RASSF5: variants seen among roughly 807,000 people sequenced by gnomAD.
RASSF5 encodes Ras association domain family member 5.
In RASSF5, 25 loss-of-function variants were observed where a neutral mutation model predicts 40.5. The observed-to-expected ratio is 0.62, with a 90% CI of 0.45 to 0.86. RASSF5 has a LOEUF of 0.86. RASSF5 is among the 40% of genes least tolerant of loss of function. The probability of loss-of-function intolerance (pLI) is 0.00; values close to 1 mark genes in which losing one functional copy is unlikely to be tolerated. For missense variants in RASSF5, 521 were observed against 572.8 expected (o/e 0.91, Z 0.92); for synonymous variants, 246 against 252.4 (o/e 0.97, Z 0.24).
At chr1:206,545,871 T>C (rs540429842) in intron 2 of RASSF5, among the ~76,000 whole-genome samples, 1 of 150,964 alleles carries the variant, frequency 6.6e-6, no homozygotes, top group African/African-American at 2.4e-5. Context: ...TTGGATCTTG[T>C]TTTTTTTTAA....
chr1:206,561,430 A>C (rs1332770033), intron 2 of RASSF5, among the ~76,000 whole-genome samples: 2 of 152,128 alleles, frequency 1.3e-5, no homozygotes, highest in Admixed American at 1.3e-4. Flanking sequence ...TCCATTCCTT[A>C]AGGCATGCTA....
At chr1:206,569,440 C>A (rs1668380253) in intron 2 of RASSF5, among the ~76,000 whole-genome samples, 1 of 152,166 alleles carries the variant, frequency 6.6e-6, no homozygotes, top group Admixed American at 6.5e-5. Context: ...GCAAATGTTT[C>A]TTTCAGATCT....
intron 2 of RASSF5, among the ~76,000 whole-genome samples, chr1:206,553,592 C>T (rs1667905435): frequency 6.6e-6 from 1 of 152,308 alleles, no homozygotes; most frequent in South Asian, 2.1e-4. Context: ...TGAGCTGTTA[C>T]AGGTACCCAC....
chr1:206,580,334 C>T (rs1471804063), intron 2 of RASSF5, among the ~76,000 whole-genome samples: 2 of 152,174 alleles, frequency 1.3e-5, no homozygotes, highest in Non-Finnish European at 2.9e-5. Context: ...CTTTCCGAAG[C>T]TTCTAGAATT....
Position 206,518,390 on chromosome 1 carries a change from G to T in RASSF5, c.457+10331G>T. 4 of 397,568 alleles carry T rather than the reference G, an allele frequency of 1.0e-5. No individual in the cohort carries two copies. The South Asian group carries it at 5.1e-4, about 51-fold the overall frequency. 24.6% of individuals were successfully genotyped at this position (397,568 alleles called of 1,614,324 possible). A position where few individuals can be genotyped will look rare whatever the true frequency, so the allele number is the denominator to read the frequency against. On this transcript the variant is annotated intron_variant, in intron 1 of 5. Coordinates refer to ENST00000579436, the MANE Select transcript of RASSF5 (RefSeq NM_182663.4). ...AGCTATTGATCTCTGGCGCTGAGAT[G>T]ACCGAGGGCCAGGAGGAGAAGGCAA...
chr1:206,522,097 AT>A (rs1463345335), intron 1 of RASSF5, among the ~76,000 whole-genome samples: 2 of 152,046 alleles, frequency 1.3e-5, no homozygotes, highest in African/African-American at 4.8e-5. Context: ...TCAAACCAGT[AT>A]ATATCTTTAC....
intron 2 of RASSF5, among the ~76,000 whole-genome samples, chr1:206,550,097 C>T (rs1667795593): frequency 6.6e-6 from 1 of 152,134 alleles, no homozygotes; most frequent in African/African-American, 2.4e-5. Flanking sequence ...ACCTTAGTAC[C>T]CGCTCTGCAC....
At chr1:206,544,534 A>AT (rs1667625685) in intron 2 of RASSF5, 2 of 152,108 alleles carry the variant, frequency 1.3e-5, no homozygotes, top group South Asian at 2.1e-4. Context: ...TTGGGTGGAC[A>AT]TTTTTTGCTA....
chr1:206,572,814 G>A (rs1558518026), intron 2 of RASSF5: 3 of 151,996 alleles, frequency 2.0e-5, no homozygotes, highest in African/African-American at 7.3e-5. Context: ...TTTTCAGTGG[G>A]TTTTTTTTAA....
chr1:206,550,055 T>G (rs1381238740), intron 2 of RASSF5, among the ~76,000 whole-genome samples: 1 of 152,188 alleles, frequency 6.6e-6, no homozygotes, highest in Non-Finnish European at 1.5e-5. Context: ...TCGAGCAGCA[T>G]CTCCTCAGCT....
At chr1:206,539,163 T>C (rs1667487440) in intron 2 of RASSF5, among the ~76,000 whole-genome samples, 1 of 152,226 alleles carries the variant, frequency 6.6e-6, no homozygotes. Flanking sequence ...TATCATCCTT[T>C]AATTCATTTA....
intron 1 of RASSF5, among the ~76,000 whole-genome samples, chr1:206,516,884 A>C (rs1203845628): frequency 6.6e-6 from 1 of 152,122 alleles, no homozygotes; most frequent in East Asian, 1.9e-4. Context: ...TCTTGGGTGC[A>C]AGGACCAGCA....
chr1:206,509,335 A>G (rs1666554620), intron 1 of RASSF5, among the ~76,000 whole-genome samples: 1 of 152,214 alleles, frequency 6.6e-6, no homozygotes, highest in African/African-American at 2.4e-5. Flanking sequence ...AGCCTGGGTC[A>G]AGTGGAAGGG....
intron 2 of RASSF5, chr1:206,571,299 T>C (rs1332197408): frequency 7.2e-5 from 11 of 152,020 alleles, no homozygotes; most frequent in Admixed American, 5.2e-4. Flanking sequence ...TTTTTTGTAT[T>C]GTGGTAGTTT....
Position 206,527,074 on chromosome 1 carries a change from A to T in RASSF5, c.458-11098A>T, listed in dbSNP as rs541258018. Among the ~76,000 whole-genome samples the T allele has an allele frequency of 2.0e-4, 31 of 152,306 alleles. 3 individuals carry two copies. The South Asian group carries it at 5.2e-3, about 25-fold the overall frequency. On this transcript the variant is annotated intron_variant, in intron 1 of 5. Transcript: ENST00000579436. ...GTCCAGGTTTCTCATACCCAGTTAG[A>T]GGGAGGGCTCAGGCTCAAACCCTGA...
intron 1 of RASSF5, among the ~76,000 whole-genome samples, chr1:206,517,319 A>G (rs1572291521): frequency 1.3e-5 from 2 of 152,164 alleles, no homozygotes; most frequent in African/African-American, 4.8e-5. Flanking sequence ...TACAAAAAAT[A>G]TAAAAATTAG....
intron 1 of RASSF5, among the ~76,000 whole-genome samples, chr1:206,520,848 G>T (rs1211833240): frequency 2.6e-5 from 4 of 152,190 alleles, no homozygotes; most frequent in Non-Finnish European, 5.9e-5. Context: ...AGCTGCTGTT[G>T]CTGAGTGCTC....
intron 2 of RASSF5, among the ~76,000 whole-genome samples, chr1:206,550,475 G>A (rs564078533): frequency 4.1e-4 from 62 of 152,272 alleles, no homozygotes; most frequent in African/African-American, 1.4e-3. Flanking sequence ...CATTTTATTC[G>A]ATTTTGAACT....
chr1:206,517,863 A>C (rs1041443019), intron 1 of RASSF5, among the ~76,000 whole-genome samples: 4 of 152,090 alleles, frequency 2.6e-5, no homozygotes, highest in African/African-American at 9.7e-5. Flanking sequence ...TCTTAAAGCA[A>C]CACCACCTCC....
Sources: allele counts gnomAD v4.1 joint callset (sites outside exome capture counted in the v4.1 genomes callset), GRCh38; gene constraint gnomAD v4.1.1; transcripts MANE v1.5; gene names NCBI Gene and HGNC (gene_info 2026-07-23, HGNC 2026-07-21).